FAT4: variants seen among roughly 807,000 people sequenced by gnomAD.
FAT4 encodes protocadherin Fat 4.
FAT4 carries 84 observed loss-of-function variants against 303.9 expected under a neutral mutation model. That is an observed-to-expected ratio of 0.28 (90% CI 0.23 to 0.33). The LOEUF (loss-of-function observed/expected upper bound fraction) is 0.33. Among genes scored for constraint, FAT4 ranks in the 10% least tolerant of loss-of-function variants. The pLI is 1.00. For synonymous variants in FAT4, 2,307 were observed against 2,298.8 expected, an observed-to-expected ratio of 1.00 and a Z score of -0.10; for missense variants, 6,005 against 6,146.8, an observed-to-expected ratio of 0.98 and a Z score of 0.77.
At chr4:125,432,519 A>T (rs1262368533) in intron 7 of FAT4, among the ~76,000 whole-genome samples, 1 of 152,210 alleles carries the variant, frequency 6.6e-6, no homozygotes, top group African/African-American at 2.4e-5. Flanking sequence ...TGTGTTTCTT[A>T]TCGTATCCTA....
chr4:125,360,119 C>A (rs1416058077), intron 2 of FAT4, among the ~76,000 whole-genome samples: 1 of 152,100 alleles, frequency 6.6e-6, no homozygotes, highest in East Asian at 1.9e-4. Flanking sequence ...TTCTGTTAAT[C>A]TATTAATCAG....
chr4:125,396,700 A>G (rs1204552603), intron 2 of FAT4, among the ~76,000 whole-genome samples: 1 of 152,070 alleles, frequency 6.6e-6, no homozygotes, highest in African/African-American at 2.4e-5. Flanking sequence ...TGCTTTCCCA[A>G]TAAAGTCATA....
Position 125,315,617 on chromosome 4 carries a change from G to A in FAT4, c.-373G>A, listed in dbSNP as rs1223904555. 1.3e-5 allele frequency among the ~76,000 whole-genome samples: 2 copies of A among 152,214 alleles called. No individual in the cohort carries two copies. Among genetic ancestry groups the A allele is most frequent in the African/African-American group, 4.8e-5 (2 of 41,464 alleles). ...AAAATGCCGAGGAGCCCTGGCTGTT[G>A]TTTGTGCCGGACCACGGGCTTGAAG... On this transcript the variant is annotated 5_prime_UTR_variant, in exon 1 of 18. Transcript: ENST00000394329.
intron 7 of FAT4, among the ~76,000 whole-genome samples, chr4:125,423,676 C>A (rs1462874652): frequency 6.6e-6 from 1 of 152,222 alleles, no homozygotes; most frequent in East Asian, 1.9e-4. Flanking sequence ...CCACTGACAA[C>A]TTGCAGCTAT....
chr4:125,327,010 A>C (rs2125952811), intron 2 of FAT4, among the ~76,000 whole-genome samples: 1 of 152,286 alleles, frequency 6.6e-6, no homozygotes, highest in East Asian at 1.9e-4. Context: ...GGGTGACAGA[A>C]TTAGACTTTA....
Position 125,351,081 on chromosome 4 carries a change from C to G in FAT4, c.5175+29495C>G, listed in dbSNP as rs191309709. On this transcript the variant is annotated intron_variant, in intron 2 of 17. Coordinates refer to ENST00000394329, the MANE Select transcript of FAT4 (RefSeq NM_001291303.3). ...CAACAGAAGCTGCACTTAGTGGCCG[C>G]GTGATGTGATTGATTGGTTAGATTG... Among the ~76,000 whole-genome samples, 242 of 151,606 alleles carry G rather than the reference C, an allele frequency of 1.6e-3. 2 individuals are homozygous for G. Among genetic ancestry groups the G allele is most frequent in the Non-Finnish European group, 3.1e-4 (21 of 67,738 alleles).
At position 125,452,202 on chromosome 4, in the gene FAT4, A is replaced by G; in HGVS notation, c.11192A>G (p.His3731Arg). The change falls in exon 10 of 18, where the codon CAC (histidine) becomes CGC (arginine). Residue 3731 changes from histidine (H) to arginine (R), a missense_variant. Coordinates refer to ENST00000394329, the MANE Select transcript of FAT4 (RefSeq NM_001291303.3). Reference sequence around the variant, plus strand: ...ACAGTAAAGGACTTCTTGACCAACCACTATCTTCATTTTTTACGCATTGCC... The same window carrying G: ...ACAGTAAAGGACTTCTTGACCAACCGCTATCTTCATTTTTTACGCATTGCC... The part of the protein sequence containing the change: ...VPTVKDFLTN[H>R]YLHFLRIASS... 1 of 1,614,150 alleles carries G rather than the reference A, an allele frequency of 6.2e-7. No individual in the cohort carries two copies.
Position 125,463,622 on chromosome 4 carries a change from T to A in FAT4, c.11860T>A (p.Ser3954Thr). 1 of 1,602,140 alleles carries A rather than the reference T, an allele frequency of 6.2e-7. No homozygotes were observed. ...ATGCAACCCCTGCTTTAATGGTGGT[T>A]CCTGCCAAAGTGGTGTGGATTCTTA... ...CECNPCFNGG[S>T]CQSGVDSYYC... Residue 3954 changes from serine (S) to threonine (T), a missense_variant, in exon 11 of 18, where the codon TCC becomes ACC. Coordinates refer to ENST00000394329, the MANE Select transcript of FAT4 (RefSeq NM_001291303.3).
intron 15 of FAT4, among the ~76,000 whole-genome samples, chr4:125,481,017 C>G (rs1254851702): frequency 6.6e-6 from 1 of 151,926 alleles, no homozygotes; most frequent in South Asian, 2.1e-4. Flanking sequence ...ACTGATTATA[C>G]ATGATGATAA....
At chr4:125,419,587 A>C (rs2126031601) in intron 7 of FAT4, among the ~76,000 whole-genome samples, 1 of 152,304 alleles carries the variant, frequency 6.6e-6, no homozygotes, top group African/African-American at 2.4e-5. Context: ...TATCTCTTGC[A>C]TAGACAGCAT....
chr4:125,329,289 T>A (rs959304819), intron 2 of FAT4, among the ~76,000 whole-genome samples: 4 of 152,214 alleles, frequency 2.6e-5, no homozygotes, highest in Admixed American at 2.6e-4. Flanking sequence ...TTGCTCTTAC[T>A]GAGGCCACTA....
At chr4:125,446,601 C>A in intron 9 of FAT4, 58 bp downstream of exon 9, 4 of 1,391,288 alleles carry the variant, frequency 2.9e-6, no homozygotes, top group Admixed American at 2.4e-5. Flanking sequence ...TCAGACATTT[C>A]TATAAAAATA....
At position 125,318,798 on chromosome 4, in the gene FAT4, T is replaced by A. The variant is rs1730783314; in HGVS notation, c.2387T>A (p.Val796Asp). ...TQDNPPVFSQ[V>D]AYSFVVFENV... ...GACAACCCACCTGTATTCAGTCAGG[T>A]TGCCTACAGCTTTGTGGTTTTTGAG... is the stretch of plus-strand genomic sequence containing the variant. Residue 796 changes from valine to aspartate, a missense_variant, in exon 2 of 18, where the codon GTT becomes GAT. Transcript: ENST00000394329. The A allele has an allele frequency of 1.9e-6, 3 of 1,614,078 alleles. No individual in the cohort carries two copies. Among genetic ancestry groups the A allele is most frequent in the Non-Finnish European group, 2.5e-6 (3 of 1,180,036 alleles).
chr4:125,435,259 C>A (rs1506358), intron 8 of FAT4, among the ~76,000 whole-genome samples: 150,793 of 152,306 alleles, frequency 0.99, 74,663 homozygotes, highest in East Asian at 1. Flanking sequence ...CCCCTTCTTC[C>A]ATATCTATTC....
At chr4:125,363,011 T>A (rs192612955) in intron 2 of FAT4, 122 of 152,094 alleles carry the variant, frequency 8.0e-4, no homozygotes, top group African/African-American at 2.8e-3. Flanking sequence ...TATATAAATG[T>A]GAAACTTTTA....
chr4:125,467,952 G>A (rs1394453278), intron 11 of FAT4, among the ~76,000 whole-genome samples: 1 of 152,082 alleles, frequency 6.6e-6, no homozygotes, highest in African/African-American at 2.4e-5. Context: ...ATCACCTGAG[G>A]TCAGGAGTTC....
At chr4:125,475,348 T>C (rs1018138454) in intron 12 of FAT4, among the ~76,000 whole-genome samples, 1 of 152,112 alleles carries the variant, frequency 6.6e-6, no homozygotes, top group African/African-American at 2.4e-5. Flanking sequence ...TATACAGGAC[T>C]CTGACTTGTA....
chr4:125,416,481 A>G lies in FAT4; in HGVS notation c.6877A>G (p.Ser2293Gly), dbSNP rs1318501294. Residue 2293 changes from serine to glycine, a missense_variant, in exon 7 of 18, where the codon AGC (serine) becomes GGC (glycine). Physicochemically the swap from Ser to Gly is moderately conservative, Grantham distance 56 (BLOSUM62 0). Coordinates refer to ENST00000394329, the MANE Select transcript of FAT4 (RefSeq NM_001291303.3). Reference protein sequence around the residue: ...VARDDDRGSNSKLSYVLFGGN... With the variant: ...VARDDDRGSNGKLSYVLFGGN... ...AAGAGATGATGATCGAGGATCTAAC[A>G]GCAAACTCTCATATGTTCTGTTTGG... The G allele has an allele frequency of 5.0e-6, 8 of 1,613,910 alleles. No homozygotes were observed. In the South Asian group the frequency reaches 6.6e-5, roughly 13 times the overall value.
rs116572945 is a variant in FAT4 at position 125,486,855 on chromosome 4, G to A, written c.12823-490G>A. 6.8e-3 allele frequency among the ~76,000 whole-genome samples: 1,032 copies of A among 152,230 alleles called. 12 individuals carry two copies. The highest frequency in any genetic ancestry group is 0.024 in the African/African-American group (999 of 41,540). Reference sequence around the variant, plus strand: ...CCTAAAATTTGTGTGTAAAAGATGAGAGGTAAAACAATTATTTTCATCTTT... The same window carrying A: ...CCTAAAATTTGTGTGTAAAAGATGAAAGGTAAAACAATTATTTTCATCTTT... On this transcript the variant is annotated intron_variant, in intron 16 of 17. Transcript: ENST00000394329.
Sources: gnomAD v4.1 joint callset for allele counts (sites outside exome capture counted in the v4.1 genomes callset) on GRCh38, gnomAD v4.1.1 for gene constraint, MANE v1.5 for transcripts, NCBI Gene and HGNC (gene_info 2026-07-23, HGNC 2026-07-21) for gene names.